Variants in USP7 observed in about 807,000 individuals in gnomAD.
The protein encoded by USP7 is ubiquitin specific peptidase 7, also known as ubiquitin C-terminal hydrolase 7.
USP7 carries 9 observed loss-of-function variants against 162.9 expected under a neutral mutation model. That is an observed-to-expected ratio of 0.06 (90% CI 0.03 to 0.10). USP7 has a LOEUF of 0.10. Among genes scored for constraint, USP7 ranks in the 10% least tolerant of loss-of-function variants. The pLI is 1.00. For synonymous variants in USP7, 562 were observed against 475.9 expected (o/e 1.18, Z -2.35); for missense variants, 715 against 1,373.7 (o/e 0.52, Z 7.58).
chr16:8,918,037 G>T (rs966177888), intron 6 of USP7, among the ~76,000 whole-genome samples: 1 of 151,002 alleles, frequency 6.6e-6, no homozygotes, highest in Non-Finnish European at 1.5e-5. Flanking sequence ...TGATCCGCCC[G>T]CCTCGGCCTC....
chr16:8,926,764 C>T lies in USP7; in HGVS notation c.185-3351G>A, dbSNP rs541028613. Among the ~76,000 whole-genome samples, 3 of 152,338 alleles carry T rather than the reference C, an allele frequency of 2.0e-5. No homozygotes were observed. The East Asian group carries it at 5.8e-4, about 29-fold the overall frequency. ...TCTGCCTGGATGCCACTAACATTAG[C>T]AGACCACCATTTCATTACCGCATGC... On this transcript the variant is annotated intron_variant, in intron 2 of 30. Transcript: ENST00000344836.
At chr16:8,906,164 A>T (rs374178138) in intron 13 of USP7, among the ~76,000 whole-genome samples, 1 of 152,264 alleles carries the variant, frequency 6.6e-6, no homozygotes, top group African/African-American at 2.4e-5. Context: ...AGAAGAAAAT[A>T]TAAGTGTCTC....
At chr16:8,901,953 A>G in intron 18 of USP7, 129 bp downstream of exon 18, 1 of 779,200 alleles carries the variant, frequency 1.3e-6, no homozygotes, top group South Asian at 1.7e-5. Context: ...AAGTCTAGTG[A>G]GCTTTTGTGG....
intron 1 of USP7, among the ~76,000 whole-genome samples, chr16:8,945,989 G>C (rs868510484): frequency 2.0e-5 from 3 of 152,122 alleles, no homozygotes; most frequent in South Asian, 2.1e-4. Flanking sequence ...GCAAAGGAAC[G>C]GACAGGGGAG....
At chr16:8,894,336 A>G (rs567244316) in intron 30 of USP7, among the ~76,000 whole-genome samples, 2 of 152,240 alleles carry the variant, frequency 1.3e-5, no homozygotes, top group South Asian at 2.1e-4. Flanking sequence ...CACATATCCA[A>G]GCTTCTCTCC....
intron 25 of USP7, among the ~76,000 whole-genome samples, chr16:8,897,961 G>T (rs887387254): frequency 1.3e-5 from 2 of 151,592 alleles, no homozygotes; most frequent in African/African-American, 4.9e-5. Flanking sequence ...AGGTGACACT[G>T]GAGCTGTCTA....
At chr16:8,960,810 CAGGAT>C (rs1214382774) in intron 1 of USP7, among the ~76,000 whole-genome samples, 2 of 152,192 alleles carry the variant, frequency 1.3e-5, no homozygotes, top group African/African-American at 4.8e-5. Flanking sequence ...TACCACATTT[CAGGAT>C]TGGGAAGGCT....
intron 11 of USP7, 131 bp from the exon 12 acceptor site, chr16:8,908,581 G>A (rs1156353953): frequency 8.9e-6 from 6 of 673,138 alleles, no homozygotes; most frequent in Non-Finnish European, 1.5e-5. Flanking sequence ...AAGTTTAGGT[G>A]TCCATTTAGG....
rs1398719321 is a variant in USP7, at chr16:8,963,527, G to C, written c.-242C>G. The C allele has an allele frequency of 1.4e-5, 2 of 138,770 alleles. No individual in the cohort carries two copies. The highest frequency in any genetic ancestry group is 3.2e-5 in the Non-Finnish European group (2 of 63,006). 8.6% of individuals were successfully genotyped at this position (138,770 alleles called of 1,614,324 possible). A position where few individuals can be genotyped will look rare whatever the true frequency, so the allele number is the denominator to read the frequency against. ...AATCTCGGCGCCGAGGCGGGCGGGCGGCCGGCGGGCCGGGCCGGGCGGCCT... is the reference window on the plus strand; with the variant it reads ...AATCTCGGCGCCGAGGCGGGCGGGCCGCCGGCGGGCCGGGCCGGGCGGCCT... On this transcript the variant is annotated 5_prime_UTR_variant, in exon 1 of 31. Transcript: ENST00000344836.
At chr16:8,916,763 A>G (rs886403000) in intron 7 of USP7, among the ~76,000 whole-genome samples, 44 of 152,324 alleles carry the variant, frequency 2.9e-4, no homozygotes, top group Non-Finnish European at 1.5e-5. Context: ...TAAATCTGAA[A>G]GCAGTACAGG....
intron 6 of USP7, among the ~76,000 whole-genome samples, chr16:8,917,712 G>A (rs920654911): frequency 6.6e-6 from 1 of 151,914 alleles, no homozygotes; most frequent in Non-Finnish European, 1.5e-5. Context: ...AGATAATACA[G>A]AAAAAGTAAA....
At chr16:8,956,075 A>G (rs1181208004) in intron 1 of USP7, among the ~76,000 whole-genome samples, 1 of 152,222 alleles carries the variant, frequency 6.6e-6, no homozygotes, top group Non-Finnish European at 1.5e-5. Context: ...TGCCAGTTTA[A>G]CAACTTACTG....
intron 26 of USP7, among the ~76,000 whole-genome samples, chr16:8,896,288 C>T (rs961247350): frequency 2.0e-5 from 3 of 152,102 alleles, no homozygotes; most frequent in Non-Finnish European, 4.4e-5. Context: ...CAGAGATGTA[C>T]AGACTGGGCC....
intron 1 of USP7, among the ~76,000 whole-genome samples, chr16:8,933,602 CTA>C (rs755466249): frequency 6.6e-6 from 1 of 152,150 alleles, no homozygotes; most frequent in Admixed American, 6.5e-5. Flanking sequence ...CACACTCACA[CTA>C]TGTGTATGCG....
At chr16:8,901,935 T>G (rs548556752) in intron 18 of USP7, 147 bp downstream of exon 18, 2 of 702,172 alleles carry the variant, frequency 2.8e-6, no homozygotes, top group Non-Finnish European at 4.7e-6. Context: ...TTATTTGACT[T>G]CATCAGGAAG....
chr16:8,918,521 A>G (rs1190249924), intron 6 of USP7, among the ~76,000 whole-genome samples: 2 of 152,218 alleles, frequency 1.3e-5, no homozygotes, highest in African/African-American at 4.8e-5. Context: ...CTGCAAAATT[A>G]GGTCATGGCT....
intron 25 of USP7, among the ~76,000 whole-genome samples, chr16:8,897,531 G>A (rs1198569619): frequency 6.6e-6 from 1 of 151,176 alleles, no homozygotes; most frequent in Non-Finnish European, 1.5e-5. Flanking sequence ...CTCTATACTT[G>A]TAGAGCTAGA....
intron 1 of USP7, among the ~76,000 whole-genome samples, chr16:8,954,616 C>G (rs552649431): frequency 1.6e-4 from 25 of 152,304 alleles, no homozygotes; most frequent in African/African-American, 6.0e-4. Flanking sequence ...GAGATGAAGA[C>G]TTGCCAAAAA....
chr16:8,894,531 G>T lies in USP7; in HGVS notation c.3202+19C>A, dbSNP rs754797194. 1.4e-6 allele frequency: 2 copies of T among 1,465,380 alleles called. No homozygotes were observed. The highest frequency in any genetic ancestry group is 1.8e-5 in the African/African-American group (1 of 54,738). The allele number at this position is 1,465,380 out of a possible 1,614,324, so 90.8% of individuals were successfully genotyped here. A position where few individuals can be genotyped will look rare whatever the true frequency, so the allele number is the denominator to read the frequency against. On this transcript the variant is annotated intron_variant, in intron 30 of 30. Transcript: ENST00000344836. ...AGTCTGAAACCCACACCAGCCCCCGGGGGGGGGAGAACCCTTACCGGGCTG... is the reference window on the plus strand; with the variant it reads ...AGTCTGAAACCCACACCAGCCCCCGTGGGGGGGAGAACCCTTACCGGGCTG...
Sources: allele counts gnomAD v4.1 joint callset (sites outside exome capture counted in the v4.1 genomes callset), GRCh38; gene constraint gnomAD v4.1.1; transcripts MANE v1.5; gene names NCBI Gene and HGNC (gene_info 2026-07-23, HGNC 2026-07-21).